The following FAM222B variants were observed in gnomAD, a reference collection of about 807,000 sequenced individuals.
FAM222B encodes the protein family with sequence similarity 222 member B.
In FAM222B, 12 loss-of-function variants were observed where a neutral mutation model predicts 38.0. The observed-to-expected ratio is 0.32, with a 90% CI of 0.20 to 0.51. FAM222B has a LOEUF of 0.51. Among genes scored for constraint, FAM222B ranks in the 20% least tolerant of loss-of-function variants. The pLI, the probability that FAM222B is intolerant of heterozygous loss-of-function variation, is 0.97. For missense variants in FAM222B, 716 were observed against 754.2 expected, an observed-to-expected ratio of 0.95 and a Z score of 0.59; for synonymous variants, 329 against 317.2, an observed-to-expected ratio of 1.04 and a Z score of -0.40.
At chr17:28,811,434 G>T (rs886843908) in intron 1 of FAM222B, among the ~76,000 whole-genome samples, 2 of 151,960 alleles carry the variant, frequency 1.3e-5, no homozygotes, top group East Asian at 3.9e-4. Flanking sequence ...AGCGAGACTC[G>T]TCTCAAAAAA....
At chr17:28,845,066 C>T (rs1424269996), upstream of FAM222B, among the ~76,000 whole-genome samples, 1 of 151,530 alleles carries the variant, frequency 6.6e-6, no homozygotes, top group Non-Finnish European at 1.5e-5. Flanking sequence ...CGCACCACTG[C>T]ACTCCAGCCT....
intron 1 of FAM222B, among the ~76,000 whole-genome samples, chr17:28,770,670 C>T (rs2092989929): frequency 6.6e-6 from 1 of 151,954 alleles, no homozygotes; most frequent in Non-Finnish European, 1.5e-5. Context: ...TCCTGGGTTC[C>T]CGCCATTCTC....
chr17:28,765,055 A>G (rs899199636), intron 2 of FAM222B, among the ~76,000 whole-genome samples: 1 of 152,324 alleles, frequency 6.6e-6, no homozygotes, highest in African/African-American at 2.4e-5. Flanking sequence ...TTATTAAGAT[A>G]AAGGATGGGT....
At chr17:28,838,657 A>G (rs1435061158) in intron 1 of FAM222B, among the ~76,000 whole-genome samples, 2 of 152,162 alleles carry the variant, frequency 1.3e-5, no homozygotes, top group Non-Finnish European at 2.9e-5. Context: ...CTGCAATCCC[A>G]GCACTTTGGG....
chr17:28,828,828 C>T (rs1439344740), intron 1 of FAM222B, among the ~76,000 whole-genome samples: 1 of 151,922 alleles, frequency 6.6e-6, no homozygotes, highest in Non-Finnish European at 1.5e-5. Context: ...GTAACCACAA[C>T]TACAATCAAA....
At chr17:28,790,894 T>C (rs1163168831) in intron 1 of FAM222B, among the ~76,000 whole-genome samples, 20 of 98,006 alleles carry the variant, frequency 2.0e-4, no homozygotes, top group Admixed American at 1.1e-3. Context: ...CTTTTTTTTT[T>C]TTTTTTTTTT....
upstream of FAM222B, among the ~76,000 whole-genome samples, chr17:28,845,941 C>T (rs1164164950): frequency 6.6e-6 from 1 of 150,744 alleles, no homozygotes; most frequent in Non-Finnish European, 1.5e-5. Flanking sequence ...TGGTGGCTCA[C>T]GCCTGTAATC....
intron 2 of FAM222B, among the ~76,000 whole-genome samples, chr17:28,764,546 C>T (rs1026946745): frequency 2.6e-5 from 4 of 151,944 alleles, no homozygotes; most frequent in Non-Finnish European, 4.4e-5. Context: ...GTCGGGAGTT[C>T]GAGACCAGCC....
At chr17:28,790,884 C>CATTT (rs71135852) in intron 1 of FAM222B, among the ~76,000 whole-genome samples, 1,450 of 86,056 alleles carry the variant, frequency 0.017, 516 homozygotes, top group East Asian at 0.036. Flanking sequence ...AATTGTTTCA[C>CATTT]TTTTTTTTTT....
At chr17:28,847,884 G>C (rs1285168920) in intron 1 of FAM222B, among the ~76,000 whole-genome samples, 2 of 150,870 alleles carry the variant, frequency 1.3e-5, no homozygotes, top group African/African-American at 2.4e-5. Context: ...ACTGTACTCC[G>C]GCCTGGGCGA....
chr17:28,764,534 A>T (rs1016365320), intron 2 of FAM222B, among the ~76,000 whole-genome samples: 7 of 152,110 alleles, frequency 4.6e-5, no homozygotes, highest in Non-Finnish European at 8.8e-5. Flanking sequence ...GGATCACCTG[A>T]AGTCGGGAGT....
chr17:28,777,624 G>C (rs2035952004), intron 1 of FAM222B, among the ~76,000 whole-genome samples: 1 of 152,106 alleles, frequency 6.6e-6, no homozygotes, highest in Admixed American at 6.6e-5. Flanking sequence ...ACTTTTACTG[G>C]CTCACATTCC....
At chr17:28,777,172 G>C (rs1344263335) in intron 1 of FAM222B, 1 of 152,114 alleles carries the variant, frequency 6.6e-6, no homozygotes, top group South Asian at 2.1e-4. Flanking sequence ...GCAAGGAAGA[G>C]AGATGGGTAT....
chr17:28,853,249 A>G (rs2152639410), intron 1 of FAM222B, among the ~76,000 whole-genome samples: 1 of 151,822 alleles, frequency 6.6e-6, no homozygotes, highest in East Asian at 1.9e-4. Flanking sequence ...CTGTAGTCAC[A>G]GCTACTAGCA....
chr17:28,817,466 G>A (rs2038066259), intron 1 of FAM222B, among the ~76,000 whole-genome samples: 1 of 151,758 alleles, frequency 6.6e-6, no homozygotes, highest in Admixed American at 6.6e-5. Context: ...GCTCACGCCT[G>A]TAATCCCAAC....
intron 1 of FAM222B, among the ~76,000 whole-genome samples, chr17:28,827,936 A>G (rs2038498683): frequency 6.6e-6 from 1 of 151,984 alleles, no homozygotes; most frequent in Non-Finnish European, 1.5e-5. Flanking sequence ...GGCTACTGTA[A>G]CTGTCAGAGT....
rs1442056554 is a variant in FAM222B at position 28,838,529 on chromosome 17, G to A, written c.-41+4153C>T. Among the ~76,000 whole-genome samples the A allele has an allele frequency of 3.5e-5, 5 of 144,874 alleles. No homozygotes were observed. In the East Asian group the frequency reaches 6.2e-4, roughly 18 times the overall value. ...TTGGAGGCGGAGCTTATAGTGAGCC[G>A]AGATCGCGTCACTGCACTCCAGTCT... On this transcript the variant is annotated intron_variant, in intron 1 of 2. Coordinates refer to ENST00000581407, the MANE Select transcript of FAM222B (RefSeq NM_001077498.3).
chr17:28,835,024 T>TTGTGTGTGTG (rs61229770), intron 1 of FAM222B, among the ~76,000 whole-genome samples: 3,477 of 132,022 alleles, frequency 0.026, 67 homozygotes, highest in Middle Eastern at 0.072. Flanking sequence ...TCAGCTAATT[T>TTGTGTGTGTG]TGTGTGTGTG....
At chr17:28,799,802 T>G (rs2089612794) in intron 1 of FAM222B, among the ~76,000 whole-genome samples, 1 of 152,084 alleles carries the variant, frequency 6.6e-6, no homozygotes, top group Admixed American at 6.6e-5. Context: ...AGAAACAAGA[T>G]CTCGGCTGTT....
Sources: gnomAD v4.1 joint callset for allele counts (sites outside exome capture counted in the v4.1 genomes callset) on GRCh38, gnomAD v4.1.1 for gene constraint, MANE v1.5 for transcripts, NCBI Gene and HGNC (gene_info 2026-07-23, HGNC 2026-07-21) for gene names.